The following ITGA1 variants were observed in gnomAD, a reference collection of about 807,000 sequenced individuals.
ITGA1 encodes integrin alpha-1.
Under a neutral mutation model 145.9 loss-of-function variants are expected in ITGA1, and 85 were observed. The ratio of observed to expected loss-of-function variants is 0.58; its 90% confidence interval spans 0.49 to 0.70. The LOEUF (loss-of-function observed/expected upper bound fraction) is 0.70, where lower values mean the gene tolerates loss of function less well. Among genes scored for constraint, ITGA1 ranks in the 30% least tolerant of loss-of-function variants. ITGA1 has a pLI of 0.00. For synonymous variants in ITGA1, 520 were observed against 495.3 expected (o/e 1.05, Z -0.66); for missense variants, 1,351 against 1,418.7 (o/e 0.95, Z 0.77).
At chr5:52,884,271 C>G (rs1750011812) in intron 7 of ITGA1, among the ~76,000 whole-genome samples, 1 of 151,778 alleles carries the variant, frequency 6.6e-6, no homozygotes, top group Admixed American at 6.6e-5. Flanking sequence ...TGGTGAAACC[C>G]CATCTCTACT....
chr5:52,877,433 AG>A (rs1749885527), intron 6 of ITGA1, among the ~76,000 whole-genome samples: 2 of 152,174 alleles, frequency 1.3e-5, no homozygotes, highest in South Asian at 4.2e-4. Context: ...TAGATAAAAC[AG>A]GGATGAGGCA....
chr5:52,801,760 A>T (rs375383949), intron 1 of ITGA1: 9 of 1,614,124 alleles, frequency 5.6e-6, no homozygotes, highest in Non-Finnish European at 7.6e-6. Flanking sequence ...CAGCCAGTTG[A>T]CTGGGGTAGC....
At chr5:52,834,661 GAAA>G (rs1749134942) in intron 1 of ITGA1, among the ~76,000 whole-genome samples, 1 of 147,816 alleles carries the variant, frequency 6.8e-6, no homozygotes, top group Non-Finnish European at 1.5e-5. Context: ...AAAAGAAAGA[GAAA>G]GAAAGAAAGA....
chr5:52,900,146 C>A, intron 11 of ITGA1, among the ~76,000 whole-genome samples: 1 of 151,954 alleles, frequency 6.6e-6, no homozygotes, highest in East Asian at 1.9e-4. Flanking sequence ...CACAGAATAC[C>A]TAAAAAAGAG....
At chr5:52,916,119 A>C (rs1259838505) in intron 15 of ITGA1, among the ~76,000 whole-genome samples, 2 of 152,178 alleles carry the variant, frequency 1.3e-5, no homozygotes, top group African/African-American at 4.8e-5. Flanking sequence ...TACATTCATA[A>C]TGCTTTATTA....
At chr5:52,853,739 A>G (rs1749463604) in intron 2 of ITGA1, among the ~76,000 whole-genome samples, 1 of 152,224 alleles carries the variant, frequency 6.6e-6, no homozygotes, top group Admixed American at 6.5e-5. Flanking sequence ...CACATCATAC[A>G]TCTGATTAAG....
chr5:52,941,751 CT>C (rs1472850837), intron 26 of ITGA1, among the ~76,000 whole-genome samples: 3 of 152,242 alleles, frequency 2.0e-5, no homozygotes, highest in African/African-American at 7.2e-5. Flanking sequence ...TTGATAATGT[CT>C]TTTGTTGTGC....
chr5:52,946,849 T>G (rs1454234272), intron 27 of ITGA1, among the ~76,000 whole-genome samples: 6 of 152,142 alleles, frequency 3.9e-5, no homozygotes, highest in Non-Finnish European at 5.9e-5. Context: ...ATGCAAACAT[T>G]CACTTACCCA....
intron 28 of ITGA1, among the ~76,000 whole-genome samples, chr5:52,952,122 G>A (rs773489720): frequency 1.4e-4 from 21 of 151,506 alleles, no homozygotes; most frequent in Non-Finnish European, 2.4e-4. Context: ...CCCGGGTGGC[G>A]GAGGTTGCAG....
chr5:52,857,578 A>G (rs1036128066), intron 2 of ITGA1, among the ~76,000 whole-genome samples: 1 of 151,654 alleles, frequency 6.6e-6, no homozygotes, highest in African/African-American at 2.4e-5. Context: ...CTTGCCTCCT[A>G]TTCTTTATAT....
At chr5:52,864,633 C>CGA (rs1455402611) in intron 3 of ITGA1, 130 bp from the exon 4 acceptor site, 1 of 627,356 alleles carries the variant, frequency 1.6e-6, no homozygotes, top group African/African-American at 1.9e-5. Flanking sequence ...ACTTGGAAGA[C>CGA]TAATTAGTTG....
intron 21 of ITGA1, among the ~76,000 whole-genome samples, chr5:52,930,769 A>G (rs148489429): frequency 1.9e-4 from 29 of 152,322 alleles, no homozygotes; most frequent in Middle Eastern, 3.4e-3. Context: ...GCTGAAATAT[A>G]AAGAATACAT....
chr5:52,887,907 G>A lies in ITGA1; in HGVS notation c.866G>A (p.Arg289Gln), dbSNP rs772957429. 15 of 1,613,890 alleles carry A rather than the reference G, an allele frequency of 9.3e-6. No individual in the cohort carries two copies. Among genetic ancestry groups the A allele is most frequent in the East Asian group, 6.7e-5 (3 of 44,898 alleles). The change falls in exon 8 of 29, where the codon CGA (arginine) becomes CAA (glutamine). Residue 289 changes from arginine to glutamine, a missense_variant. Coordinates refer to ENST00000282588, the MANE Select transcript of ITGA1 (RefSeq NM_181501.2). ...GATGGAGAGTCTCATGACAATCATC[G>A]ACTGAAGAAGGTCATCCAAGACTGT... is the stretch of plus-strand genomic sequence containing the variant. Reference protein sequence around the residue: ...VTDGESHDNHRLKKVIQDCED... With the variant: ...VTDGESHDNHQLKKVIQDCED...
At chr5:52,943,203 G>C (rs1322936669) in intron 26 of ITGA1, among the ~76,000 whole-genome samples, 1 of 152,066 alleles carries the variant, frequency 6.6e-6, no homozygotes, top group South Asian at 2.1e-4. Flanking sequence ...ATATTGGCTA[G>C]GATTAGTTAC....
At chr5:52,908,091 G>C (rs1446003786) in intron 12 of ITGA1, among the ~76,000 whole-genome samples, 1 of 152,160 alleles carries the variant, frequency 6.6e-6, no homozygotes, top group African/African-American at 2.4e-5. Flanking sequence ...AGCTTTAGAA[G>C]AGGCCAAAAT....
chr5:52,891,674 AAT>A (rs1491027274), intron 8 of ITGA1, among the ~76,000 whole-genome samples: 26 of 141,376 alleles, frequency 1.8e-4, no homozygotes, highest in Non-Finnish European at 2.9e-4. Flanking sequence ...TTTTAAAAAA[AAT>A]ATTGAAGCAA....
At chr5:52,896,201 A>G (rs1349540322) in intron 9 of ITGA1, among the ~76,000 whole-genome samples, 1 of 152,182 alleles carries the variant, frequency 6.6e-6, no homozygotes, top group Non-Finnish European at 1.5e-5. Context: ...GTCTATTACC[A>G]TGATGCCACT....
intron 14 of ITGA1, 128 bp downstream of exon 14, chr5:52,910,547 T>TGGGAAA: frequency 1.0e-6 from 1 of 967,294 alleles, no homozygotes; most frequent in Non-Finnish European, 1.5e-6. Flanking sequence ...TGGATTTAAT[T>TGGGAAA]CTCTTTAAGT....
chr5:52,884,116 C>T (rs1750008464), intron 7 of ITGA1, among the ~76,000 whole-genome samples: 3 of 152,174 alleles, frequency 2.0e-5, no homozygotes, highest in South Asian at 2.1e-4. Flanking sequence ...TAACATGTAA[C>T]GTCTGTTTTC....
Sources: gnomAD v4.1 joint callset for allele counts (sites outside exome capture counted in the v4.1 genomes callset) on GRCh38, gnomAD v4.1.1 for gene constraint, MANE v1.5 for transcripts, NCBI Gene and HGNC (gene_info 2026-07-23, HGNC 2026-07-21) for gene names.